PTPRE: variants seen among roughly 807,000 people sequenced by gnomAD.
PTPRE encodes receptor-type tyrosine-protein phosphatase epsilon.
A neutral mutation model predicts 102.0 loss-of-function variants in PTPRE; 51 were observed. The observed-to-expected ratio is 0.50, with a 90% CI of 0.40 to 0.63. PTPRE has a LOEUF of 0.63. PTPRE is among the 30% of genes least tolerant of loss of function. The pLI is 0.00. For synonymous variants in PTPRE, 345 were observed against 348.2 expected (o/e 0.99, Z 0.10); for missense variants, 752 against 915.1 (o/e 0.82, Z 2.30).
chr10:127,982,948 A>C (rs976673993), intron 2 of PTPRE, among the ~76,000 whole-genome samples: 6 of 152,222 alleles, frequency 3.9e-5, no homozygotes, highest in Non-Finnish European at 1.5e-5. Context: ...AAGAAAATCT[A>C]AGAGCTTTCG....
intron 2 of PTPRE, among the ~76,000 whole-genome samples, chr10:128,026,721 A>G (rs1846315762): frequency 6.6e-6 from 1 of 152,230 alleles, no homozygotes; most frequent in Non-Finnish European, 1.5e-5. Context: ...ACCTTCACCA[A>G]CTGAGATAAA....
chr10:128,053,778 TGA>T (rs1848734416), intron 6 of PTPRE, among the ~76,000 whole-genome samples: 1 of 152,160 alleles, frequency 6.6e-6, no homozygotes, highest in South Asian at 2.1e-4. Flanking sequence ...ATTTATTTTT[TGA>T]GAGAGAGTCT....
rs938137522 is a variant in PTPRE at position 128,028,027 on chromosome 10, G to T, written c.-7-12848G>T. Among the ~76,000 whole-genome samples the T allele has an allele frequency of 6.6e-6, 1 of 152,262 alleles. No homozygotes were observed. The highest frequency in any genetic ancestry group is 1.5e-5 in the Non-Finnish European group (1 of 68,052). On this transcript the variant is annotated intron_variant, in intron 2 of 20. Transcript: ENST00000254667. This position sits in a 1 kb window ranked among gnomAD's most constrained non-coding sequence, Gnocchi z 4.5. ...CAAGGCAGGACAGGCCATGGCAGAGGCTTCAGGGGAGGGTTCCGGCTTTGG... is the reference window on the plus strand; with the variant it reads ...CAAGGCAGGACAGGCCATGGCAGAGTCTTCAGGGGAGGGTTCCGGCTTTGG...
intron 1 of PTPRE, among the ~76,000 whole-genome samples, chr10:127,924,718 C>T (rs1311037950): frequency 1.3e-5 from 2 of 152,198 alleles, no homozygotes; most frequent in African/African-American, 2.4e-5. Context: ...TCAATAAGGT[C>T]CCACTGGGCT....
At chr10:128,076,833 G>C (rs765988824) in intron 18 of PTPRE, 105 bp downstream of exon 18, 107 of 1,492,930 alleles carry the variant, frequency 7.2e-5, no homozygotes, top group Middle Eastern at 1.7e-4. Flanking sequence ...CACCTGTCCT[G>C]CTCCTTCACC....
intron 16 of PTPRE, chr10:128,072,530 T>C (rs548697673): frequency 4.7e-6 from 1 of 211,006 alleles, no homozygotes; most frequent in Non-Finnish European, 9.5e-6. Context: ...CAGGTGCCTG[T>C]AATCCCAGCT....
chr10:128,017,685 C>T (rs1054177053), intron 2 of PTPRE, among the ~76,000 whole-genome samples: 5 of 152,164 alleles, frequency 3.3e-5, no homozygotes, highest in Admixed American at 6.5e-5. Context: ...GACAGATTTC[C>T]GGTGACCAGG....
intron 2 of PTPRE, among the ~76,000 whole-genome samples, chr10:128,026,577 C>T (rs1283655874): frequency 6.6e-6 from 1 of 152,234 alleles, no homozygotes. Flanking sequence ...GCCCCTCATC[C>T]TTATTTCTCT....
At chr10:128,059,040 A>G (rs1197819403) in intron 7 of PTPRE, among the ~76,000 whole-genome samples, 3 of 152,206 alleles carry the variant, frequency 2.0e-5, no homozygotes, top group Non-Finnish European at 4.4e-5. Flanking sequence ...TTAGGAAATA[A>G]TGTTTTGAAT....
Position 128,073,348 on chromosome 10 carries a change from G to C in PTPRE, c.1476G>C (p.Gln492His). ...GCCTCCATTTGAAGGGCTACCGACA[G>C]AAGGACTATTTCATCGCCACCCAGG... ...INASFIDGYR[Q>H]KDYFIATQGP... Residue 492 changes from glutamine to histidine, a missense_variant, in exon 17 of 21, where the codon CAG (glutamine) becomes CAC (histidine). Physicochemically the swap from Gln to His is conservative, Grantham distance 24. Around this residue, in one of 2 missense-constraint regions of PTPRE, gnomAD observed 636 missense variants for 824.4 expected, o/e 0.77. Transcript: ENST00000254667. 1 of 1,614,224 alleles carries C rather than the reference G, an allele frequency of 6.2e-7. No individual in the cohort carries two copies. The highest frequency in any genetic ancestry group is 1.3e-5 in the African/African-American group (1 of 75,062).
At position 128,073,356 on chromosome 10, in the gene PTPRE, A is replaced by C; in HGVS notation, c.1484A>C (p.Tyr495Ser). The C allele has an allele frequency of 3.7e-6, 6 of 1,614,176 alleles. No homozygotes were observed. The highest frequency in any genetic ancestry group is 5.1e-6 in the Non-Finnish European group (6 of 1,180,002). Reference sequence around the variant, plus strand: ...TTGAAGGGCTACCGACAGAAGGACTATTTCATCGCCACCCAGGGGCCACTG... The same window carrying C: ...TTGAAGGGCTACCGACAGAAGGACTCTTTCATCGCCACCCAGGGGCCACTG... ...SFIDGYRQKDYFIATQGPLAH... is the reference protein window; with the variant it reads ...SFIDGYRQKDSFIATQGPLAH... Residue 495 changes from tyrosine (Y) to serine (S), a missense_variant, in exon 17 of 21, where the codon TAT becomes TCT. Coordinates refer to ENST00000254667, the MANE Select transcript of PTPRE (RefSeq NM_006504.6).
At chr10:127,986,436 C>T (rs1160509808) in intron 2 of PTPRE, among the ~76,000 whole-genome samples, 2 of 152,190 alleles carry the variant, frequency 1.3e-5, no homozygotes, top group Non-Finnish European at 2.9e-5. Flanking sequence ...CTAAGGGTAT[C>T]CACTAGTAAG....
At chr10:127,967,414 G>A (rs535906549) in intron 1 of PTPRE, among the ~76,000 whole-genome samples, 3 of 152,146 alleles carry the variant, frequency 2.0e-5, no homozygotes, top group South Asian at 4.2e-4. Flanking sequence ...TGCTGTTCTC[G>A]TGATAGTGAA....
chr10:127,926,917 T>A (rs553202830), intron 1 of PTPRE, among the ~76,000 whole-genome samples: 1 of 147,140 alleles, frequency 6.8e-6, no homozygotes, highest in East Asian at 2.2e-4. Context: ...GTTCAAGCAA[T>A]TCTCCTGCCT....
intron 1 of PTPRE, among the ~76,000 whole-genome samples, chr10:127,971,489 ACTCGGTGCCGCCCTGAGGTGCGAGAG>A (rs1850728864): frequency 6.6e-6 from 1 of 151,698 alleles, no homozygotes; most frequent in Non-Finnish European, 1.5e-5. Flanking sequence ...CAGTGTTTTC[ACTCGGTGCCGCCCTGAGGTGCGAGAG>A]CCCCATGCAT....
intron 2 of PTPRE, among the ~76,000 whole-genome samples, chr10:128,010,185 G>A (rs1487470127): frequency 1.3e-5 from 2 of 152,196 alleles, no homozygotes; most frequent in Non-Finnish European, 2.9e-5. Flanking sequence ...ACCTGAGTGG[G>A]GGTGGTTTGT....
intron 11 of PTPRE, among the ~76,000 whole-genome samples, chr10:128,067,413 G>T (rs1208518901): frequency 7.2e-6 from 1 of 139,750 alleles, no homozygotes; most frequent in African/African-American, 2.7e-5. Flanking sequence ...CACGCACATG[G>T]GTGCACACGT....
At chr10:127,990,438 GA>G (rs1354926927) in intron 2 of PTPRE, among the ~76,000 whole-genome samples, 2 of 140,952 alleles carry the variant, frequency 1.4e-5, no homozygotes, top group African/African-American at 5.2e-5. Flanking sequence ...AAAAAAGAAA[GA>G]AAAGAAAAGA....
At position 128,008,438 on chromosome 10, in the gene PTPRE, AG is replaced by A. The variant is rs1844694721; in HGVS notation, c.-8+26143del. On this transcript the variant is annotated intron_variant, in intron 2 of 20. Coordinates refer to ENST00000254667, the MANE Select transcript of PTPRE (RefSeq NM_006504.6). The surrounding 1 kb of genome is among the most constrained non-coding windows in gnomAD (Gnocchi z 4.0). ...AGAAATCCTAGAGATGCTTAGCAAA[AG>A]TTTCAGTAGCCAGGGATAATGTCAA... Among the ~76,000 whole-genome samples, 2 of 152,182 alleles carry A rather than the reference AG, an allele frequency of 1.3e-5. 1 individual carries two copies. Among genetic ancestry groups the A allele is most frequent in the Admixed American group, 1.3e-4 (2 of 15,276 alleles).
Sources: gnomAD v4.1 joint callset for allele counts (sites outside exome capture counted in the v4.1 genomes callset) on GRCh38, gnomAD v4.1.1 for gene constraint, gnomAD v4.1.1 regional missense constraint, Gnocchi (gnomAD v3.1) non-coding constraint, MANE v1.5 for transcripts, NCBI Gene and HGNC (gene_info 2026-07-23, HGNC 2026-07-21) for gene names.